UXS1: variants seen among roughly 807,000 people sequenced by gnomAD.
UXS1 encodes UDP-glucuronate decarboxylase 1.
UXS1 carries 33 observed loss-of-function variants against 62.6 expected under a neutral mutation model. The ratio of observed to expected loss-of-function variants is 0.53; its 90% CI spans 0.40 to 0.70. The LOEUF (loss-of-function observed/expected upper bound fraction) is 0.70. UXS1 is among the 30% of genes least tolerant of loss of function. The probability of loss-of-function intolerance (pLI) is 0.00; values close to 1 mark genes in which losing one functional copy is unlikely to be tolerated. For missense variants in UXS1, 434 were observed against 556.3 expected, an observed-to-expected ratio of 0.78 and a Z score of 2.21; for synonymous variants, 213 against 206.8, an observed-to-expected ratio of 1.03 and a Z score of -0.26.
intron 14 of UXS1, among the ~76,000 whole-genome samples, chr2:106,094,776 T>C (rs921621730): frequency 7.9e-5 from 12 of 152,296 alleles, no homozygotes; most frequent in Admixed American, 2.0e-4. Context: ...AACTGCTGAT[T>C]AACAGCAGAA....
At chr2:106,157,268 T>C (rs1682512920) in intron 5 of UXS1, among the ~76,000 whole-genome samples, 1 of 15,930 alleles carries the variant, frequency 6.3e-5, no homozygotes, top group African/African-American at 1.2e-4. Flanking sequence ...CCAATAAAGC[T>C]GTTACTTTAA....
chr2:106,129,652 A>G, intron 7 of UXS1, 22 bp downstream of exon 7: 1 of 1,577,800 alleles, frequency 6.3e-7, no homozygotes, highest in Non-Finnish European at 8.7e-7. Flanking sequence ...ACAGCCAAAA[A>G]AACAAGAAAA....
chr2:106,101,239 G>T, intron 11 of UXS1, 121 bp from the exon 12 acceptor site: 1 of 998,216 alleles, frequency 1.0e-6, no homozygotes, highest in South Asian at 1.8e-5. Flanking sequence ...AAACCCAAAT[G>T]GAAAATTGAA....
At chr2:106,113,672 G>C (rs527430778) in intron 9 of UXS1, among the ~76,000 whole-genome samples, 1 of 152,296 alleles carries the variant, frequency 6.6e-6, no homozygotes, top group African/African-American at 2.4e-5. Flanking sequence ...CAGTGTATAC[G>C]TATCTAATGT....
At chr2:106,143,432 A>AAAAAAAAAAAAAAAAG (rs1681303964) in intron 6 of UXS1, among the ~76,000 whole-genome samples, 1 of 136,178 alleles carries the variant, frequency 7.3e-6, no homozygotes. Context: ...AAAAAAAAAA[A>AAAAAAAAAAAAAAAAG]AAAAAAGGTA....
rs369410152 is a variant in UXS1 at position 106,145,248 on chromosome 2, G to A, written c.414C>T (p.Ile138=). Residue 138 remains isoleucine (I), a synonymous_variant, in exon 6 of 15, where the codon ATC becomes ATT. Coordinates refer to ENST00000283148, the MANE Select transcript of UXS1 (RefSeq NM_001253875.2). ...TGRKRNVEHW[I]GHENFELINH... ...TAATCAACTCGAAGTTCTCATGTCC[G>A]ATCCAGTGCTCCACGTTTCTCTTCC... 8.1e-5 allele frequency: 130 copies of A among 1,613,844 alleles called. No homozygotes were observed. Among genetic ancestry groups the A allele is most frequent in the Non-Finnish European group, 1.0e-4 (122 of 1,179,888 alleles).
intron 4 of UXS1, among the ~76,000 whole-genome samples, chr2:106,158,667 C>T (rs1034518504): frequency 2.0e-5 from 3 of 152,094 alleles, no homozygotes; most frequent in African/African-American, 4.8e-5. Flanking sequence ...ATTCCTAAGC[C>T]GAGGTTAGAG....
chr2:106,097,372 G>C, intron 13 of UXS1: 1 of 370,492 alleles, frequency 2.7e-6, no homozygotes, highest in South Asian at 1.9e-5. Flanking sequence ...CCACTGGCCA[G>C]CAGTACACAG....
intron 9 of UXS1, among the ~76,000 whole-genome samples, chr2:106,113,484 T>C (rs1276713192): frequency 6.6e-6 from 1 of 152,246 alleles, no homozygotes; most frequent in Admixed American, 6.5e-5. Context: ...ACAATGAACA[T>C]GTATTACTTT....
At chr2:106,155,623 A>G (rs920732767) in intron 5 of UXS1, among the ~76,000 whole-genome samples, 4 of 152,208 alleles carry the variant, frequency 2.6e-5, no homozygotes, top group Non-Finnish European at 5.9e-5. Flanking sequence ...AGGTCATACC[A>G]TGTAGCCTAA....
At chr2:106,172,459 T>A (rs978160364) in intron 1 of UXS1, among the ~76,000 whole-genome samples, 1 of 152,180 alleles carries the variant, frequency 6.6e-6, no homozygotes, top group Admixed American at 6.5e-5. Context: ...TTTAAACATT[T>A]ATTTGAGTAT....
chr2:106,193,956 G>A (rs947925548), intron 1 of UXS1, among the ~76,000 whole-genome samples, 192 bp downstream of exon 1: 3 of 152,010 alleles, frequency 2.0e-5, no homozygotes, highest in Non-Finnish European at 1.5e-5. Flanking sequence ...GCGGTAGGGG[G>A]TGTGCGCCCA....
intron 5 of UXS1, among the ~76,000 whole-genome samples, chr2:106,148,366 G>C (rs906605176): frequency 6.6e-6 from 1 of 152,074 alleles, no homozygotes; most frequent in Non-Finnish European, 1.5e-5. Flanking sequence ...TTAAAAACTT[G>C]CAACTTTTAA....
At chr2:106,124,689 G>A (rs1261161171) in intron 8 of UXS1, among the ~76,000 whole-genome samples, 3 of 152,018 alleles carry the variant, frequency 2.0e-5, no homozygotes, top group Admixed American at 6.6e-5. Flanking sequence ...GTTCCCCTCT[G>A]GACAGATACC....
At chr2:106,112,126 C>A (rs760588636) in intron 10 of UXS1, among the ~76,000 whole-genome samples, 1 of 152,156 alleles carries the variant, frequency 6.6e-6, no homozygotes, top group Non-Finnish European at 1.5e-5. Flanking sequence ...ACATCTTTGC[C>A]ACACACTTGG....
Position 106,104,718 on chromosome 2 carries a change from C to A in UXS1, c.923+76G>T, listed in dbSNP as rs1253034232. 3 of 1,553,808 alleles carry A rather than the reference C, an allele frequency of 1.9e-6. No homozygotes were observed. In the Admixed American group the frequency reaches 5.0e-5, roughly 26 times the overall value. ...GGAAATGGTTAACATATACAAGACA[C>A]TGAACTGTCTGTCAAGTTGGCATGA... is the stretch of plus-strand genomic sequence containing the variant. On this transcript the variant is annotated intron_variant, in intron 11 of 14. Coordinates refer to ENST00000283148, the MANE Select transcript of UXS1 (RefSeq NM_001253875.2).
intron 1 of UXS1, among the ~76,000 whole-genome samples, chr2:106,173,016 C>G (rs1021291374): frequency 6.6e-6 from 1 of 152,226 alleles, no homozygotes; most frequent in African/African-American, 2.4e-5. Context: ...CACCCCCCAA[C>G]AGCCCACTTA....
At chr2:106,160,109 G>A (rs1682773681) in intron 4 of UXS1, 1 of 152,222 alleles carries the variant, frequency 6.6e-6, no homozygotes, top group Admixed American at 6.5e-5. Flanking sequence ...GATGCTGTTA[G>A]ACTGGCGGGA....
intron 6 of UXS1, chr2:106,138,312 C>T (rs1680828217): frequency 3.0e-6 from 3 of 985,578 alleles, no homozygotes; most frequent in African/African-American, 1.7e-5. Context: ...TCCACAACAG[C>T]TCAGCGCTGC....
Sources: gnomAD v4.1 joint callset for allele counts (sites outside exome capture counted in the v4.1 genomes callset) on GRCh38, gnomAD v4.1.1 for gene constraint, MANE v1.5 for transcripts, NCBI Gene and HGNC (gene_info 2026-07-23, HGNC 2026-07-21) for gene names.